KIAA1328: variants seen among roughly 807,000 people sequenced by gnomAD.
KIAA1328 encodes the protein protein hinderin.
A neutral mutation model predicts 68.1 loss-of-function variants in KIAA1328; 52 were observed. The ratio of observed to expected loss-of-function variants is 0.76; its 90% confidence interval spans 0.61 to 0.96. The LOEUF (loss-of-function observed/expected upper bound fraction) is 0.96, where lower values mean the gene tolerates loss of function less well. Ranked by LOEUF, KIAA1328 falls within the 40% of genes least tolerant of loss-of-function variation. KIAA1328 has a pLI of 0.00. For missense variants in KIAA1328, 641 were observed against 677.6 expected (o/e 0.95, Z 0.60); for synonymous variants, 232 against 239.4 (o/e 0.97, Z 0.28).
intron 6 of KIAA1328, among the ~76,000 whole-genome samples, chr18:37,056,965 G>A (rs1420571204): frequency 6.6e-6 from 1 of 152,114 alleles, no homozygotes; most frequent in Non-Finnish European, 1.5e-5. Flanking sequence ...ATCCTAATAT[G>A]CTACCACTGT....
At chr18:36,918,413 CTTTTT>C (rs11321724) in intron 5 of KIAA1328, among the ~76,000 whole-genome samples, 1 of 103,342 alleles carries the variant, frequency 9.7e-6, no homozygotes, top group African/African-American at 3.2e-5. Context: ...GTTTTTAAGC[CTTTTT>C]TTTTTTTTTT....
chr18:37,000,594 G>A (rs2151448968), intron 6 of KIAA1328, among the ~76,000 whole-genome samples: 1 of 151,676 alleles, frequency 6.6e-6, no homozygotes, highest in South Asian at 2.1e-4. Flanking sequence ...CCATATGTTA[G>A]GCCACAAAAA....
intron 6 of KIAA1328, among the ~76,000 whole-genome samples, chr18:36,998,028 C>T (rs576016940): frequency 3.3e-5 from 5 of 152,310 alleles, no homozygotes; most frequent in African/African-American, 1.2e-4. Flanking sequence ...TACTTCTCCT[C>T]ACCCATGTGC....
At chr18:36,862,923 A>C (rs895030304) in intron 4 of KIAA1328, among the ~76,000 whole-genome samples, 9 of 152,130 alleles carry the variant, frequency 5.9e-5, no homozygotes, top group Non-Finnish European at 8.8e-5. Context: ...GATGTTGGAC[A>C]TTGTTTCATG....
At chr18:36,962,095 G>C (rs1369811314) in intron 6 of KIAA1328, among the ~76,000 whole-genome samples, 1 of 152,118 alleles carries the variant, frequency 6.6e-6, no homozygotes, top group Non-Finnish European at 1.5e-5. Flanking sequence ...ACACACATAG[G>C]CTCAAAATAA....
At chr18:36,937,255 C>T (rs1231015345) in intron 5 of KIAA1328, among the ~76,000 whole-genome samples, 3 of 152,174 alleles carry the variant, frequency 2.0e-5, no homozygotes, top group Non-Finnish European at 2.9e-5. Context: ...ACCATAAAAA[C>T]CCTAGAAGAA....
At chr18:37,049,560 A>G (rs921560571) in intron 6 of KIAA1328, among the ~76,000 whole-genome samples, 1 of 152,180 alleles carries the variant, frequency 6.6e-6, no homozygotes, top group Non-Finnish European at 1.5e-5. Flanking sequence ...GAGACCCCCA[A>G]GGAAAGGCTA....
intron 5 of KIAA1328, among the ~76,000 whole-genome samples, chr18:36,937,808 T>C (rs1416912185): frequency 2.0e-5 from 3 of 152,088 alleles, no homozygotes; most frequent in Non-Finnish European, 4.4e-5. Context: ...ACTATTCTAC[T>C]CTTTATCTTC....
At chr18:36,926,785 A>G (rs1157133169) in intron 5 of KIAA1328, among the ~76,000 whole-genome samples, 4 of 152,182 alleles carry the variant, frequency 2.6e-5, no homozygotes, top group Admixed American at 6.5e-5. Flanking sequence ...TTGCATTGCT[A>G]TAAAGGAATA....
intron 6 of KIAA1328, among the ~76,000 whole-genome samples, chr18:36,999,247 AAG>A (rs991989090): frequency 6.6e-6 from 1 of 152,164 alleles, no homozygotes; most frequent in African/African-American, 2.4e-5. Flanking sequence ...AGAGAATAAA[AAG>A]AAAGAACAAA....
intron 7 of KIAA1328, among the ~76,000 whole-genome samples, chr18:37,079,901 A>AG (rs2056891524): frequency 6.6e-6 from 1 of 151,402 alleles, no homozygotes; most frequent in African/African-American, 2.4e-5. Flanking sequence ...AAAAAAAAAA[A>AG]CAGTTCAATA....
chr18:37,139,530 T>G (rs538913556), intron 7 of KIAA1328, among the ~76,000 whole-genome samples: 1 of 152,306 alleles, frequency 6.6e-6, no homozygotes, highest in South Asian at 2.1e-4. Flanking sequence ...TGGTTATTAT[T>G]GGACCTGCCT....
chr18:37,217,247 A>G (rs1016252580), intron 9 of KIAA1328, among the ~76,000 whole-genome samples: 6 of 152,074 alleles, frequency 3.9e-5, no homozygotes, highest in African/African-American at 9.7e-5. Context: ...TAGTTGATGC[A>G]GTTTCCTCCT....
chr18:36,951,780 G>A (rs997586680), intron 5 of KIAA1328, among the ~76,000 whole-genome samples: 4 of 152,098 alleles, frequency 2.6e-5, no homozygotes, highest in Non-Finnish European at 5.9e-5. Context: ...AGCTGACATT[G>A]CCTTAAATGT....
At chr18:37,009,379 C>T (rs1365447520) in intron 6 of KIAA1328, among the ~76,000 whole-genome samples, 2 of 152,084 alleles carry the variant, frequency 1.3e-5, no homozygotes, top group East Asian at 1.9e-4. Flanking sequence ...TCTAGGAAAT[C>T]GCCTTAAGAG....
rs1484006445 is a variant in KIAA1328 at position 36,829,320 on chromosome 18, C to G, written c.58+124C>G. 6 of 1,402,704 alleles carry G rather than the reference C, an allele frequency of 4.3e-6. No homozygotes were observed. In the African/African-American group the frequency reaches 4.5e-5, roughly 11 times the overall value. 86.9% of individuals were successfully genotyped at this position (1,402,704 alleles called of 1,614,324 possible). A position where few individuals can be genotyped will look rare whatever the true frequency, so the allele number is the denominator to read the frequency against. On this transcript the variant is annotated intron_variant, in intron 1 of 9. Transcript: ENST00000280020. ...AACTAACCCCGGGGATGGGGACGTGCTGCTCGGCCCCAGTCTAGGTGCTGG... is the reference window on the plus strand; with the variant it reads ...AACTAACCCCGGGGATGGGGACGTGGTGCTCGGCCCCAGTCTAGGTGCTGG...
intron 6 of KIAA1328, among the ~76,000 whole-genome samples, chr18:37,007,087 A>G (rs886320999): frequency 1.3e-5 from 2 of 152,230 alleles, no homozygotes; most frequent in Admixed American, 1.3e-4. Context: ...TTCCTCCACT[A>G]GTCTCCTTTT....
chr18:36,861,277 G>A (rs2047557737), intron 4 of KIAA1328, among the ~76,000 whole-genome samples: 1 of 151,720 alleles, frequency 6.6e-6, no homozygotes, highest in African/African-American at 2.4e-5. Flanking sequence ...ACGTTATATC[G>A]GGTGTACATG....
intron 6 of KIAA1328, among the ~76,000 whole-genome samples, chr18:36,987,552 T>C (rs1013310963): frequency 6.6e-6 from 1 of 151,798 alleles, no homozygotes; most frequent in Non-Finnish European, 1.5e-5. Flanking sequence ...CTATATACTG[T>C]ATAATTCTAT....
Sources: gnomAD v4.1 joint callset for allele counts (sites outside exome capture counted in the v4.1 genomes callset) on GRCh38, gnomAD v4.1.1 for gene constraint, MANE v1.5 for transcripts, NCBI Gene and HGNC (gene_info 2026-07-23, HGNC 2026-07-21) for gene names.